The following PPP2R3C variants were observed in gnomAD, a reference collection of about 807,000 sequenced individuals.
The protein encoded by PPP2R3C is serine/threonine-protein phosphatase 2A regulatory subunit B'' subunit gamma.
Under a neutral mutation model 63.7 loss-of-function variants are expected in PPP2R3C, and 47 were observed. The observed-to-expected ratio is 0.74, with a 90% confidence interval of 0.58 to 0.94. PPP2R3C has a LOEUF of 0.94. Ranked by LOEUF, PPP2R3C falls within the 40% of genes least tolerant of loss-of-function variation. The pLI is 0.00. For synonymous variants in PPP2R3C, 180 were observed against 177.4 expected (o/e 1.01, Z -0.12); for missense variants, 421 against 518.4 (o/e 0.81, Z 1.82).
chr14:35,107,257 TTAGTGTCTATA>T, intron 6 of PPP2R3C, 36 bp downstream of exon 6: 1 of 1,403,502 alleles, frequency 7.1e-7, no homozygotes, highest in Non-Finnish European at 1.0e-6. Context: ...AGTTTACATT[TTAGTGTCTATA>T]AGAGTTAATA....
At chr14:35,091,932 C>G (rs543569134) in intron 10 of PPP2R3C, among the ~76,000 whole-genome samples, 65 of 152,180 alleles carry the variant, frequency 4.3e-4, no homozygotes, top group African/African-American at 1.5e-3. Flanking sequence ...GTTACCCAAG[C>G]TGGTCTCAAA....
At chr14:35,113,463 G>A (rs2046623009) in intron 2 of PPP2R3C, among the ~76,000 whole-genome samples, 1 of 152,086 alleles carries the variant, frequency 6.6e-6, no homozygotes, top group Admixed American at 6.6e-5. Flanking sequence ...GTTTGGTCCC[G>A]GAAGTACAAG....
chr14:35,119,459 T>G (rs2046799437), intron 1 of PPP2R3C, among the ~76,000 whole-genome samples: 1 of 152,042 alleles, frequency 6.6e-6, no homozygotes, highest in South Asian at 2.1e-4. Context: ...TGCTTCAGCC[T>G]CTCGAGTAGC....
chr14:35,101,907 A>G (rs987473531), intron 6 of PPP2R3C: 18 of 152,194 alleles, frequency 1.2e-4, no homozygotes, highest in African/African-American at 4.3e-4. Context: ...GCTTTGCCCT[A>G]TAGATCTTTA....
chr14:35,111,468 A>G (rs952630378), intron 2 of PPP2R3C, among the ~76,000 whole-genome samples: 1 of 152,248 alleles, frequency 6.6e-6, no homozygotes, highest in African/African-American at 2.4e-5. Context: ...TTTATGATTT[A>G]AATGATAATA....
At chr14:35,121,203 C>G (rs1334323394) in intron 1 of PPP2R3C, among the ~76,000 whole-genome samples, 1 of 152,094 alleles carries the variant, frequency 6.6e-6, no homozygotes, top group Non-Finnish European at 1.5e-5. Flanking sequence ...ATGGCGAAAC[C>G]CCGTCTCTAC....
intron 2 of PPP2R3C, among the ~76,000 whole-genome samples, chr14:35,111,893 T>TTCA (rs2046573787): frequency 6.6e-6 from 1 of 152,198 alleles, no homozygotes. Context: ...CCTCCAACTT[T>TTCA]TCAAGAAGGC....
At chr14:35,108,390 A>AC (rs1354874759) in intron 4 of PPP2R3C, among the ~76,000 whole-genome samples, 154 bp from the exon 5 acceptor site, 1 of 144,056 alleles carries the variant, frequency 6.9e-6, no homozygotes, top group Non-Finnish European at 1.5e-5. Flanking sequence ...ATTAAGTCAA[A>AC]CTTTTTTTTT....
At chr14:35,117,020 A>T (rs917672499) in intron 1 of PPP2R3C, 6 of 453,006 alleles carry the variant, frequency 1.3e-5, no homozygotes, top group Non-Finnish European at 2.2e-5. Flanking sequence ...CTCCTACAGA[A>T]CTCTGTAGAG....
chr14:35,095,064 G>A lies in PPP2R3C; in HGVS notation c.959C>T (p.Thr320Ile). Residue 320 changes from threonine (T) to isoleucine (I), a missense_variant, in exon 10 of 13, where the codon ACT becomes ATT. Transcript: ENST00000261475. ...FLDRVFQECL[T>I]YDGEMDYKTY... ...AACTACTACCATTTCTCCATCATAA[G>A]TGAGACACTCCTGGAAAACACGGTC... The A allele has an allele frequency of 6.2e-7, 1 of 1,606,938 alleles. No individual in the cohort carries two copies.
At chr14:35,103,338 T>A (rs1305144127) in intron 6 of PPP2R3C, among the ~76,000 whole-genome samples, 1 of 152,214 alleles carries the variant, frequency 6.6e-6, no homozygotes, top group Admixed American at 6.6e-5. Context: ...ACACTGTATT[T>A]GCCGTTTCCT....
At chr14:35,118,057 C>G (rs535769501) in intron 1 of PPP2R3C, among the ~76,000 whole-genome samples, 43 of 152,216 alleles carry the variant, frequency 2.8e-4, no homozygotes, top group African/African-American at 9.6e-4. Flanking sequence ...TGGCTCAGTG[C>G]TGTTGTAGAA....
intron 6 of PPP2R3C, chr14:35,102,025 C>CTTTTTTTTTTTT (rs1555313535): frequency 7.2e-6 from 1 of 138,986 alleles, no homozygotes. Context: ...TGGTTTCTCT[C>CTTTTTTTTTTTT]TCTCTTTTTT....
chr14:35,095,240 G>T, intron 9 of PPP2R3C, 56 bp from the exon 10 acceptor site: 1 of 1,545,738 alleles, frequency 6.5e-7, no homozygotes, highest in South Asian at 1.2e-5. Context: ...TTAATCAGAA[G>T]AATAGACTAA....
At chr14:35,121,784 G>A (rs1267843836) in intron 1 of PPP2R3C, 118 bp downstream of exon 1, 5 of 1,134,196 alleles carry the variant, frequency 4.4e-6, no homozygotes, top group South Asian at 1.3e-5. Flanking sequence ...CTCCTTTGTC[G>A]GGAGGTTTCA....
chr14:35,091,771 A>G (rs1442591135), intron 10 of PPP2R3C, among the ~76,000 whole-genome samples: 1 of 151,954 alleles, frequency 6.6e-6, no homozygotes, highest in African/African-American at 2.4e-5. Context: ...CCCAGGCTGG[A>G]GTGCAGTGGT....
At chr14:35,117,319 T>C (rs2046738110) in intron 1 of PPP2R3C, 8 of 378,260 alleles carry the variant, frequency 2.1e-5, no homozygotes, top group South Asian at 1.6e-4. Flanking sequence ...TGGACTATGG[T>C]GACTGGTACA....
At chr14:35,119,195 G>A (rs117903708) in intron 1 of PPP2R3C, among the ~76,000 whole-genome samples, 10,724 of 151,974 alleles carry the variant, frequency 0.071, 507 homozygotes, top group Non-Finnish European at 0.11. Context: ...GCACCACTGC[G>A]CCCAGCTACT....
chr14:35,102,410 A>C (rs537349187), intron 6 of PPP2R3C: 1 of 152,310 alleles, frequency 6.6e-6, no homozygotes, highest in African/African-American at 2.4e-5. Flanking sequence ...GATACTTTCA[A>C]GTTTATAGGA....
Sources: allele counts gnomAD v4.1 joint callset (sites outside exome capture counted in the v4.1 genomes callset), GRCh38; gene constraint gnomAD v4.1.1; transcripts MANE v1.5; gene names NCBI Gene and HGNC (gene_info 2026-07-23, HGNC 2026-07-21).